FMO2: variants seen among roughly 807,000 people sequenced by gnomAD.
FMO2 encodes flavin containing dimethylaniline monoxygenase 2.
FMO2 carries 33 observed loss-of-function variants against 41.6 expected under a neutral mutation model. That is an observed-to-expected ratio of 0.79 (90% CI 0.60 to 1.06). The LOEUF (loss-of-function observed/expected upper bound fraction) is 1.06, where lower values mean the gene tolerates loss of function less well. FMO2 is among the 50% of genes least tolerant of loss of function. The pLI, the probability that FMO2 is intolerant of heterozygous loss-of-function variation, is 0.00. For missense variants in FMO2, 619 were observed against 632.9 expected (o/e 0.98, Z 0.23); for synonymous variants, 214 against 219.6 (o/e 0.97, Z 0.23).
intron 4 of FMO2, among the ~76,000 whole-genome samples, chr1:171,198,410 A>ATTTTTT (rs34908571): frequency 6.9e-6 from 1 of 145,176 alleles, no homozygotes; most frequent in Non-Finnish European, 1.5e-5. Context: ...CTGATAAGTG[A>ATTTTTT]TTTTTTTTTT....
intron 2 of FMO2, among the ~76,000 whole-genome samples, chr1:171,187,740 A>T (rs1431739190): frequency 6.6e-6 from 1 of 151,842 alleles, no homozygotes. Context: ...GAATCCTATG[A>T]TAAGACAAAT....
At chr1:171,196,903 C>A (rs994915448) in intron 4 of FMO2, 92 bp downstream of exon 4, 11 of 1,101,914 alleles carry the variant, frequency 1.0e-5, no homozygotes, top group Non-Finnish European at 1.5e-5. Flanking sequence ...ATTGCTGCAA[C>A]TGGGCAGAAC....
chr1:171,205,644 T>C lies in FMO2; in HGVS notation c.1183+10T>C, dbSNP rs574383795. 1.9e-6 allele frequency: 3 copies of C among 1,555,066 alleles called. No homozygotes were observed. Among genetic ancestry groups the C allele is most frequent in the Non-Finnish European group, 2.6e-6 (3 of 1,141,704 alleles). ...ACAAGAGTTTTCAAAGGTAAGTGTGTAGGCAGGTGAGTGGCTAAGCGTTTC... is the reference window on the plus strand; with the variant it reads ...ACAAGAGTTTTCAAAGGTAAGTGTGCAGGCAGGTGAGTGGCTAAGCGTTTC... On this transcript the variant is annotated intron_variant, in intron 7 of 8. Transcript: ENST00000209929.
intron 6 of FMO2, 78 bp from the exon 7 acceptor site, chr1:171,205,201 G>C: frequency 1.2e-6 from 1 of 845,198 alleles, no homozygotes; most frequent in Non-Finnish European, 1.8e-6. Context: ...TTTCAGAGCC[G>C]TACCCCAAAA....
rs549945302 is a variant in FMO2, at chr1:171,196,813, TGA to T, written c.484+5_484+6del. Reference sequence around the variant, plus strand: ...ATATCCCACTGAAGTCATTTCCAGGTGAGACCCGCTGGGATTCCCAGCTTTTT... The same window carrying T: ...ATATCCCACTGAAGTCATTTCCAGGTGACCCGCTGGGATTCCCAGCTTTTT... On this transcript the variant is annotated splice_donor_region_variant and intron_variant, in intron 4 of 8. Coordinates refer to ENST00000209929, the MANE Select transcript of FMO2 (RefSeq NM_001460.5). 22 of 1,611,072 alleles carry T rather than the reference TGA, an allele frequency of 1.4e-5. No homozygotes were observed. In the East Asian group the frequency reaches 4.5e-4, roughly 33 times the overall value.
intron 2 of FMO2, among the ~76,000 whole-genome samples, chr1:171,191,833 G>C (rs925104959): frequency 6.8e-6 from 1 of 147,402 alleles, no homozygotes; most frequent in African/African-American, 2.5e-5. Flanking sequence ...AGACCTGCCT[G>C]GGCAACATGG....
Position 171,185,327 on chromosome 1 carries a change from T to C in FMO2, c.-39T>C, listed in dbSNP as rs1657799245. ...ACAACCAAGGGAGAAAACTATTCTG[T>C]CAAAGAGACGGTGCCAAAAGGCAAA... On this transcript the variant is annotated 5_prime_UTR_variant, in exon 1 of 9. Transcript: ENST00000209929. 1 of 156,248 alleles carries C rather than the reference T, an allele frequency of 6.4e-6. No homozygotes were observed. Among genetic ancestry groups the C allele is most frequent in the Non-Finnish European group, 1.4e-5 (1 of 70,668 alleles). The allele number at this position is 156,248 out of a possible 1,614,324, so 9.7% of individuals were successfully genotyped here.
intron 7 of FMO2, among the ~76,000 whole-genome samples, chr1:171,206,052 T>G (rs915246053): frequency 2.0e-5 from 3 of 152,164 alleles, no homozygotes; most frequent in African/African-American, 7.2e-5. Context: ...CCCTACAAGT[T>G]ATAAAATTAT....
At chr1:171,186,251 G>A (rs185151987) in intron 2 of FMO2, 3 of 154,366 alleles carry the variant, frequency 1.9e-5, no homozygotes, top group African/African-American at 4.8e-5. Context: ...ATTTTTCTCT[G>A]ACAAATGAAG....
chr1:171,189,654 C>CTTTTTT lies in FMO2; in HGVS notation c.133-3677_133-3676insTTTTTT, dbSNP rs199536748. Among the ~76,000 whole-genome samples the CTTTTTT allele has an allele frequency of 7.8e-3, 960 of 122,592 alleles. 74 individuals are homozygous for CTTTTTT. Among genetic ancestry groups the CTTTTTT allele is most frequent in the African/African-American group, 0.021 (645 of 30,038 alleles). The allele number at this position is 122,592 out of a possible 152,430, so 80.4% of individuals were successfully genotyped here. A position where few individuals can be genotyped will look rare whatever the true frequency, so the allele number is the denominator to read the frequency against. ...ACAGAAATCTGAGCCCGTCTTTTTT[C>CTTTTTT]TTTTCTTTTTTTTTTTTTTTTTGAG... is the stretch of plus-strand genomic sequence containing the variant. On this transcript the variant is annotated intron_variant, in intron 2 of 8. Transcript: ENST00000209929.
chr1:171,212,530 T>C lies in FMO2; in HGVS notation c.*3385T>C, dbSNP rs912022432. ...TTTCTTTTAGCTATTCCCTTTATGA[T>C]AGTTTCTTAATTTTTTCTATCAAAA... On this transcript the variant is annotated 3_prime_UTR_variant, in exon 9 of 9. Transcript: ENST00000209929. 6.6e-6 allele frequency among the ~76,000 whole-genome samples: 1 copy of C among 152,208 alleles called. No homozygotes were observed. The highest frequency in any genetic ancestry group is 2.4e-5 in the African/African-American group (1 of 41,456).
chr1:171,193,836 G>A (rs1405338085), intron 3 of FMO2, among the ~76,000 whole-genome samples: 2 of 150,904 alleles, frequency 1.3e-5, no homozygotes, highest in Non-Finnish European at 2.9e-5. Flanking sequence ...CTGGAGTGCA[G>A]TGGCATGATC....
In FMO2 at chr1:171,211,502, G is replaced by T. The variant is rs913658945; in HGVS notation, c.*2357G>T. Among the ~76,000 whole-genome samples, 1 of 149,792 alleles carries T rather than the reference G, an allele frequency of 6.7e-6. No homozygotes were observed. The highest frequency in any genetic ancestry group is 1.5e-5 in the Non-Finnish European group (1 of 68,012). Reference sequence around the variant, plus strand: ...GGAAGAGATTGAAAAGCATTTGTCAGGTTAATGCTAAATCAGTGCGGAAAT... The same window carrying T: ...GGAAGAGATTGAAAAGCATTTGTCATGTTAATGCTAAATCAGTGCGGAAAT... On this transcript the variant is annotated 3_prime_UTR_variant, in exon 9 of 9. Coordinates refer to ENST00000209929, the MANE Select transcript of FMO2 (RefSeq NM_001460.5).
At chr1:171,187,045 C>A (rs1334509017) in intron 2 of FMO2, among the ~76,000 whole-genome samples, 1 of 152,148 alleles carries the variant, frequency 6.6e-6, no homozygotes, top group Non-Finnish European at 1.5e-5. Flanking sequence ...TATAGATGAG[C>A]AAACTGAAAG....
At chr1:171,201,655 T>A (rs1208072481) in intron 5 of FMO2, among the ~76,000 whole-genome samples, 1 of 152,170 alleles carries the variant, frequency 6.6e-6, no homozygotes, top group Non-Finnish European at 1.5e-5. Context: ...TGGTGCTGCA[T>A]CATTGTATTA....
Position 171,199,384 on chromosome 1 carries a change from C to CA in FMO2, c.525dup (p.Tyr176IlefsTer8). 2 of 1,610,896 alleles carry CA rather than the reference C, an allele frequency of 1.2e-6. No individual in the cohort carries two copies. The highest frequency in any genetic ancestry group is 1.7e-6 in the Non-Finnish European group (2 of 1,178,658). On this transcript the variant is annotated frameshift_variant, in exon 5 of 9. Coordinates refer to ENST00000209929, the MANE Select transcript of FMO2 (RefSeq NM_001460.5). LOFTEE classifies it high-confidence loss of function. Reference sequence around the variant, plus strand: ...CAAAGGCCAATATTTCCATAGCCGCCAATACAAGCATCCAGATGGATTTGA... The same window carrying CA: ...CAAAGGCCAATATTTCCATAGCCGCCAAATACAAGCATCCAGATGGATTTGA...
At chr1:171,198,076 T>A (rs753419053) in intron 4 of FMO2, among the ~76,000 whole-genome samples, 5 of 152,224 alleles carry the variant, frequency 3.3e-5, no homozygotes, top group African/African-American at 1.2e-4. Context: ...CTGATATTGC[T>A]GGCCATGTGA....
chr1:171,196,102 G>T (rs1658298965), intron 3 of FMO2, among the ~76,000 whole-genome samples: 1 of 152,180 alleles, frequency 6.6e-6, no homozygotes, highest in South Asian at 2.1e-4. Flanking sequence ...TAAAAGAAAA[G>T]ATATATATTT....
chr1:171,186,578 C>T (rs763477247), intron 2 of FMO2, among the ~76,000 whole-genome samples: 54 of 152,218 alleles, frequency 3.5e-4, no homozygotes, highest in Admixed American at 1.2e-3. Flanking sequence ...CTCATTAGAA[C>T]GCACTCACTA....
Sources: allele counts gnomAD v4.1 joint callset (sites outside exome capture counted in the v4.1 genomes callset), GRCh38; gene constraint gnomAD v4.1.1; transcripts MANE v1.5; gene names NCBI Gene and HGNC (gene_info 2026-07-23, HGNC 2026-07-21).